Variants in RGSL1 observed in about 807,000 individuals in gnomAD.
RGSL1 encodes regulator of G protein signaling protein-like.
Under a neutral mutation model 124.7 loss-of-function variants are expected in RGSL1, and 97 were observed. The ratio of observed to expected loss-of-function variants is 0.78; its 90% CI spans 0.66 to 0.92. RGSL1 has a LOEUF of 0.92. Among genes scored for constraint, RGSL1 ranks in the 40% least tolerant of loss-of-function variants. The pLI, the probability that RGSL1 is intolerant of heterozygous loss-of-function variation, is 0.00. For missense variants in RGSL1, 1,233 were observed against 1,288.4 expected (o/e 0.96, Z 0.66); for synonymous variants, 424 against 438.1 (o/e 0.97, Z 0.40).
At chr1:182,520,352 C>T (rs1346720024) in intron 9 of RGSL1, among the ~76,000 whole-genome samples, 3 of 152,148 alleles carry the variant, frequency 2.0e-5, no homozygotes, top group Non-Finnish European at 4.4e-5. Context: ...CCCTTCTGTC[C>T]TGAGAATCTG....
rs1660758354 is a variant in RGSL1 at position 182,554,651 on chromosome 1, CA to C, written c.3157del (p.Arg1053AspfsTer41). ...GCTTCATCAAGCAAACTTACTCAGC[CA>C]AGACTCGTGGTATCTGCCATGCAGC... ...QNSSSSKLTQ[P>X]RLVVSAMQLH... On this transcript the variant is annotated frameshift_variant, in exon 20 of 22. Transcript: ENST00000294854. LOFTEE classifies it high-confidence loss of function. 1.3e-6 allele frequency: 2 copies of C among 1,551,560 alleles called. No homozygotes were observed. Among genetic ancestry groups the C allele is most frequent in the Non-Finnish European group, 1.7e-6 (2 of 1,146,994 alleles).
chr1:182,532,346 T>C (rs1659234876), intron 13 of RGSL1, among the ~76,000 whole-genome samples: 1 of 152,224 alleles, frequency 6.6e-6, no homozygotes, highest in Admixed American at 6.5e-5. Flanking sequence ...TTCCAGTTTT[T>C]AGCTCTCATG....
intron 9 of RGSL1, among the ~76,000 whole-genome samples, chr1:182,493,442 G>T (rs1224566393): frequency 6.6e-6 from 1 of 152,122 alleles, no homozygotes; most frequent in Non-Finnish European, 1.5e-5. Flanking sequence ...AAGTTACCTG[G>T]AGGCTGAGAT....
At chr1:182,526,027 C>T (rs1285043047) in intron 10 of RGSL1, among the ~76,000 whole-genome samples, 1 of 152,056 alleles carries the variant, frequency 6.6e-6, no homozygotes, top group Non-Finnish European at 1.5e-5. Flanking sequence ...AGTAAGCTAG[C>T]TATGTTTCAA....
rs145573689 is a variant in RGSL1, at chr1:182,531,412, G to A, written c.2364+502G>A. ...AGAACAGAAAAAAGGAAGAAAGAGG[G>A]GACAGGAATGTTACTCAGGAAAGTC... On this transcript the variant is annotated intron_variant, in intron 13 of 21. Transcript: ENST00000294854. 7.3e-3 allele frequency among the ~76,000 whole-genome samples: 1,106 copies of A among 152,172 alleles called. 14 individuals are homozygous for A. The highest frequency in any genetic ancestry group is 0.027 in the Middle Eastern group (8 of 292).
intron 9 of RGSL1, among the ~76,000 whole-genome samples, chr1:182,521,420 A>G (rs1435011579): frequency 6.6e-6 from 1 of 152,232 alleles, no homozygotes; most frequent in African/African-American, 2.4e-5. Flanking sequence ...CTAAATGGCA[A>G]TAGGGAACCA....
chr1:182,506,477 G>A (rs1027840433), intron 9 of RGSL1, among the ~76,000 whole-genome samples: 28 of 147,876 alleles, frequency 1.9e-4, no homozygotes, highest in African/African-American at 7.0e-4. Flanking sequence ...ATAGATTCCT[G>A]CTAGAATAAT....
intron 8 of RGSL1, among the ~76,000 whole-genome samples, chr1:182,490,938 T>C (rs904903745): frequency 3.8e-5 from 5 of 131,334 alleles, no homozygotes; most frequent in African/African-American, 1.5e-4. Context: ...TTTTTTGAGA[T>C]GGAGTGTGGT....
In RGSL1 at chr1:182,548,694, G is replaced by A. The variant is rs1161414873; in HGVS notation, c.2809-6G>A. ...TGCCAGTGACAGGCTCCCACTCTGT[G>A]GGTAGGTGAATGTCCCTGAGTTCCA... On this transcript the variant is annotated splice_polypyrimidine_tract_variant and splice_region_variant and intron_variant, in intron 16 of 21. Transcript: ENST00000294854. The A allele has an allele frequency of 7.1e-6, 11 of 1,551,348 alleles. No homozygotes were observed. Among genetic ancestry groups the A allele is most frequent in the Admixed American group, 3.9e-5 (2 of 50,968 alleles).
intron 9 of RGSL1, among the ~76,000 whole-genome samples, chr1:182,511,574 AT>A (rs1173011622): frequency 6.6e-6 from 1 of 152,118 alleles, no homozygotes; most frequent in Non-Finnish European, 1.5e-5. Flanking sequence ...AAAGGCATGG[AT>A]TTATATCTGG....
At chr1:182,472,331 C>A in intron 4 of RGSL1, 65 bp from the exon 5 acceptor site, 1 of 1,438,144 alleles carries the variant, frequency 7.0e-7, no homozygotes, top group South Asian at 1.5e-5. Flanking sequence ...TTGATTCACC[C>A]AGATGCAACC....
chr1:182,515,904 G>A (rs1250302782), intron 9 of RGSL1, among the ~76,000 whole-genome samples: 4 of 152,214 alleles, frequency 2.6e-5, no homozygotes, highest in Non-Finnish European at 5.9e-5. Context: ...GTTCTGAATT[G>A]CACCTCTGAT....
At chr1:182,543,214 G>A (rs1035838771) in intron 15 of RGSL1, among the ~76,000 whole-genome samples, 10 of 151,984 alleles carry the variant, frequency 6.6e-5, no homozygotes, top group African/African-American at 2.2e-4. Context: ...TTATTATTTT[G>A]AGGTATATTT....
At chr1:182,521,265 C>G (rs953353596) in intron 9 of RGSL1, among the ~76,000 whole-genome samples, 7 of 152,170 alleles carry the variant, frequency 4.6e-5, no homozygotes, top group African/African-American at 1.7e-4. Flanking sequence ...GAGATGGAGT[C>G]TCACTGTGTT....
At chr1:182,517,251 T>A (rs1445957690) in intron 9 of RGSL1, among the ~76,000 whole-genome samples, 1 of 151,582 alleles carries the variant, frequency 6.6e-6, no homozygotes, top group Admixed American at 6.6e-5. Context: ...CTGGAGGTCC[T>A]TTATATGCTA....
chr1:182,469,675 G>A lies in RGSL1; in HGVS notation c.302-2721G>A, dbSNP rs189617111. ...TGAGTATACCTCAAAAGAATTGAAA[G>A]CAGGGTCTGGAGAGATATTTGTACA... On this transcript the variant is annotated intron_variant, in intron 4 of 21. Coordinates refer to ENST00000294854, the MANE Select transcript of RGSL1 (RefSeq NM_001137669.2). Among the ~76,000 whole-genome samples, 504 of 152,268 alleles carry A rather than the reference G, an allele frequency of 3.3e-3. 9 individuals are homozygous for A. The highest frequency in any genetic ancestry group is 0.012 in the African/African-American group (488 of 41,564).
At chr1:182,531,948 G>T (rs1659202354) in intron 13 of RGSL1, among the ~76,000 whole-genome samples, 1 of 152,162 alleles carries the variant, frequency 6.6e-6, no homozygotes, top group Non-Finnish European at 1.5e-5. Context: ...GTTCTGAGAA[G>T]CTAAGCTCCA....
chr1:182,521,244 AT>A (rs1180508448), intron 9 of RGSL1, among the ~76,000 whole-genome samples: 1 of 152,028 alleles, frequency 6.6e-6, no homozygotes, highest in East Asian at 1.9e-4. Flanking sequence ...TAATTTTTAA[AT>A]TTTCTTGTAG....
At chr1:182,449,928 G>A (rs1324159022), upstream of RGSL1, among the ~76,000 whole-genome samples, 3 of 152,162 alleles carry the variant, frequency 2.0e-5, no homozygotes, top group Non-Finnish European at 4.4e-5. Flanking sequence ...AAAATAGTAT[G>A]AACTAAAGGC....
Sources: gnomAD v4.1 joint callset for allele counts (sites outside exome capture counted in the v4.1 genomes callset) on GRCh38, gnomAD v4.1.1 for gene constraint, MANE v1.5 for transcripts, NCBI Gene and HGNC (gene_info 2026-07-23, HGNC 2026-07-21) for gene names.